KCNH7: variants seen among roughly 807,000 people sequenced by gnomAD.
The protein encoded by KCNH7 is potassium voltage-gated channel subfamily H member 7, also known as voltage-gated inwardly rectifying potassium channel KCNH7.
KCNH7 carries 49 observed loss-of-function variants against 120.8 expected under a neutral mutation model. The ratio of observed to expected loss-of-function variants is 0.41; its 90% confidence interval spans 0.32 to 0.51. The LOEUF (loss-of-function observed/expected upper bound fraction) is 0.51. Ranked by LOEUF, KCNH7 falls within the 20% of genes least tolerant of loss-of-function variation. The probability of loss-of-function intolerance (pLI) is 0.38; values close to 1 mark genes in which losing one functional copy is unlikely to be tolerated. For synonymous variants in KCNH7, 547 were observed against 516.1 expected (o/e 1.06, Z -0.81); for missense variants, 1,097 against 1,446.6 (o/e 0.76, Z 3.92).
chr2:162,450,560 G>C (rs1411377097), intron 6 of KCNH7, among the ~76,000 whole-genome samples: 2 of 152,080 alleles, frequency 1.3e-5, no homozygotes, highest in African/African-American at 4.8e-5. Context: ...TAATCAGGTA[G>C]ATGGCAGTAC....
At chr2:162,798,037 T>C (rs1409076895) in intron 2 of KCNH7, 1 of 152,044 alleles carries the variant, frequency 6.6e-6, no homozygotes, top group Non-Finnish European at 1.5e-5. Flanking sequence ...GTAATAGAAG[T>C]TGTAACATGA....
intron 2 of KCNH7, among the ~76,000 whole-genome samples, chr2:162,621,557 T>A (rs1683359215): frequency 6.6e-6 from 1 of 152,168 alleles, no homozygotes; most frequent in South Asian, 2.1e-4. Context: ...ATGTACCACT[T>A]GCTGAGTGGG....
chr2:162,612,236 T>C (rs928710753), intron 2 of KCNH7, among the ~76,000 whole-genome samples: 5 of 152,134 alleles, frequency 3.3e-5, no homozygotes. Flanking sequence ...TTGCAAGAGT[T>C]TGCCAATCTT....
chr2:162,667,018 CTTTTTTT>C (rs34213467), intron 2 of KCNH7, among the ~76,000 whole-genome samples: 11 of 124,218 alleles, frequency 8.9e-5, no homozygotes, highest in Non-Finnish European at 1.8e-4. Context: ...TTTTCTTTTT[CTTTTTTT>C]TTTTTTTTTT....
intron 6 of KCNH7, among the ~76,000 whole-genome samples, chr2:162,476,512 G>A (rs900213323): frequency 1.3e-5 from 2 of 152,066 alleles, no homozygotes; most frequent in East Asian, 3.9e-4. Context: ...TTAAAATAAA[G>A]GTTATGAATC....
chr2:162,775,624 T>C (rs1425401222), intron 2 of KCNH7, among the ~76,000 whole-genome samples: 1 of 152,150 alleles, frequency 6.6e-6, no homozygotes, highest in Non-Finnish European at 1.5e-5. Flanking sequence ...CTAATAGATT[T>C]TTAGGACCAA....
intron 2 of KCNH7, among the ~76,000 whole-genome samples, chr2:162,827,952 G>T (rs1685343420): frequency 6.6e-6 from 1 of 152,028 alleles, no homozygotes; most frequent in South Asian, 2.1e-4. Flanking sequence ...CTGAGTAGAG[G>T]GCTGGTGTCC....
At chr2:162,548,214 A>T (rs1334879478) in intron 2 of KCNH7, among the ~76,000 whole-genome samples, 1 of 152,174 alleles carries the variant, frequency 6.6e-6, no homozygotes, top group Non-Finnish European at 1.5e-5. Context: ...AGCATTGTCC[A>T]GCTTTAGTGG....
intron 2 of KCNH7, among the ~76,000 whole-genome samples, chr2:162,752,993 GAAAAGAAAAGAAAAGAAAAGAAAAGA>G (rs1574343506): frequency 7.5e-6 from 1 of 133,894 alleles, no homozygotes; most frequent in Non-Finnish European, 1.5e-5. Context: ...GAAAAGAAAA[GAAAAGAAAAGAAAAGAAAAGAAAAGA>G]AAAGAAAAGA....
At chr2:162,810,550 T>G (rs906224730) in intron 2 of KCNH7, among the ~76,000 whole-genome samples, 6 of 152,316 alleles carry the variant, frequency 3.9e-5, no homozygotes, top group Admixed American at 6.5e-5. Flanking sequence ...AGGAAAGGTA[T>G]GTTTATATTT....
At chr2:162,469,693 C>T (rs969405335) in intron 6 of KCNH7, among the ~76,000 whole-genome samples, 1 of 151,532 alleles carries the variant, frequency 6.6e-6, no homozygotes, top group African/African-American at 2.4e-5. Flanking sequence ...CCCTCCCCCT[C>T]TCCCTCTCCC....
At chr2:162,832,514 G>T (rs1021919244) in intron 2 of KCNH7, among the ~76,000 whole-genome samples, 1 of 152,038 alleles carries the variant, frequency 6.6e-6, no homozygotes, top group Non-Finnish European at 1.5e-5. Context: ...AATAAATTTT[G>T]CAGGTTCTCT....
At chr2:162,700,238 A>T (rs969098605) in intron 2 of KCNH7, among the ~76,000 whole-genome samples, 5 of 152,170 alleles carry the variant, frequency 3.3e-5, no homozygotes, top group Admixed American at 1.3e-4. Context: ...AGACAAAGGG[A>T]GGAGACGAGA....
intron 2 of KCNH7, among the ~76,000 whole-genome samples, chr2:162,648,076 A>G (rs1221716073): frequency 6.6e-6 from 1 of 152,182 alleles, no homozygotes; most frequent in Non-Finnish European, 1.5e-5. Context: ...GTATTTTTCC[A>G]TTAACTAAAC....
intron 2 of KCNH7, among the ~76,000 whole-genome samples, chr2:162,728,497 G>C (rs893727621): frequency 1.3e-5 from 2 of 152,144 alleles, no homozygotes; most frequent in African/African-American, 4.8e-5. Context: ...ACTTTGATGA[G>C]GCCAGGCGCG....
chr2:162,807,972 G>A (rs536044823), intron 2 of KCNH7, among the ~76,000 whole-genome samples: 330 of 152,146 alleles, frequency 2.2e-3, no homozygotes, highest in African/African-American at 7.3e-3. Flanking sequence ...GTGAGCCACC[G>A]CTCCCAGCCA....
At chr2:162,834,677 CTG>C (rs1685592565) in intron 2 of KCNH7, among the ~76,000 whole-genome samples, 7 of 152,012 alleles carry the variant, frequency 4.6e-5, no homozygotes, top group Admixed American at 4.6e-4. Context: ...TTAATCATAT[CTG>C]TGATTCTTAT....
chr2:162,787,933 A>C (rs764657644), intron 2 of KCNH7, among the ~76,000 whole-genome samples: 2 of 152,228 alleles, frequency 1.3e-5, no homozygotes, highest in Admixed American at 6.5e-5. Flanking sequence ...GGTTATCTGC[A>C]GATACTTCAG....
intron 6 of KCNH7, among the ~76,000 whole-genome samples, chr2:162,490,697 A>T (rs1411830737): frequency 1.3e-5 from 2 of 151,654 alleles, no homozygotes; most frequent in African/African-American, 4.9e-5. Flanking sequence ...CCCCAACAAC[A>T]CCCCTGCCCA....
Sources: gnomAD v4.1 joint callset for allele counts (sites outside exome capture counted in the v4.1 genomes callset) on GRCh38, gnomAD v4.1.1 for gene constraint, MANE v1.5 for transcripts, NCBI Gene and HGNC (gene_info 2026-07-23, HGNC 2026-07-21) for gene names.